The following LCN1 variants were observed in gnomAD, a reference collection of about 807,000 sequenced individuals.
The protein encoded by LCN1 is lipocalin-1.
Under a neutral mutation model 22.3 loss-of-function variants are expected in LCN1, and 25 were observed. The ratio of observed to expected loss-of-function variants is 1.12; its 90% CI spans 0.82 to 1.56. LCN1 has a LOEUF of 1.56. LCN1 is among the 40% of genes most tolerant of loss of function. The pLI, the probability that LCN1 is intolerant of heterozygous loss-of-function variation, is 0.00. For missense variants in LCN1, 219 were observed against 235.6 expected (o/e 0.93, Z 0.46); for synonymous variants, 85 against 97.6 (o/e 0.87, Z 0.76).
Position 135,526,421 on chromosome 9 carries a change from A to G in LCN1, c.*79A>G, listed in dbSNP as rs1564231737. ...CTCCGTCATTCACAGGGACATGGAA[A>G]AAGCTCCCCACCCCTGCAGAACGCG... On this transcript the variant is annotated 3_prime_UTR_variant, in exon 7 of 7. Coordinates refer to ENST00000371781, the MANE Select transcript of LCN1 (RefSeq NM_002297.4). The G allele has an allele frequency of 7.8e-7, 1 of 1,285,678 alleles. No individual in the cohort carries two copies. The highest frequency in any genetic ancestry group is 1.0e-6 in the Non-Finnish European group (1 of 987,432). The allele number at this position is 1,285,678 out of a possible 1,614,324, so 79.6% of individuals were successfully genotyped here.
chr9:135,523,234 T>C lies in LCN1; in HGVS notation c.224T>C (p.Ile75Thr). The C allele has an allele frequency of 6.2e-7, 1 of 1,611,660 alleles. No homozygotes were observed. Among genetic ancestry groups the C allele is most frequent in the East Asian group, 2.2e-5 (1 of 44,834 alleles). The part of the protein sequence containing the change: ...GNLEAKVTML[I>T]SGRCQEVKAV... ...GCCAGGGGGCTTCTGTTTTCCAGGA[T>C]AAGTGGCCGGTGCCAGGAGGTGAAG... Residue 75 changes from isoleucine to threonine, a missense_variant and splice_region_variant, in exon 3 of 7, where the codon ATA becomes ACA. Coordinates refer to ENST00000371781, the MANE Select transcript of LCN1 (RefSeq NM_002297.4).
intron 3 of LCN1, 103 bp from the exon 4 acceptor site, chr9:135,523,777 C>A: frequency 1.1e-6 from 1 of 927,190 alleles, no homozygotes; most frequent in Non-Finnish European, 1.7e-6. Context: ...TGGGAGGGTG[C>A]AGGAGCTGCG....
chr9:135,521,913 C>A, intron 1 of LCN1, 134 bp from the exon 2 acceptor site: 1 of 1,418,296 alleles, frequency 7.1e-7, no homozygotes, highest in Non-Finnish European at 9.5e-7. Context: ...TGGGTGTTTT[C>A]TGGGTGGGTT....
At chr9:135,523,180 C>G in intron 2 of LCN1, 52 bp from the exon 3 acceptor site, 1 of 1,550,364 alleles carries the variant, frequency 6.5e-7, no homozygotes. Context: ...TGCTCCAGGG[C>G]CGGGGGAGGC....
intron 1 of LCN1, 119 bp from the exon 2 acceptor site, chr9:135,521,928 T>C: frequency 7.5e-6 from 11 of 1,465,958 alleles, no homozygotes; most frequent in Admixed American, 2.1e-5. Flanking sequence ...TGGGTTAGAT[T>C]GGGGAACGTT....
intron 1 of LCN1, 146 bp from the exon 2 acceptor site, chr9:135,521,901 G>T: frequency 3.0e-6 from 4 of 1,330,866 alleles, no homozygotes; most frequent in African/African-American, 1.5e-5. Context: ...TGGCGAGGGT[G>T]CTGGGTGTTT....
At chr9:135,522,014 G>A (rs377529267) in intron 1 of LCN1, 33 bp from the exon 2 acceptor site, 103 of 1,587,458 alleles carry the variant, frequency 6.5e-5, no homozygotes, top group African/African-American at 5.1e-4. Flanking sequence ...TGGAGCAGTC[G>A]GCCTGAGCCT....
intron 4 of LCN1, 62 bp downstream of exon 4, chr9:135,524,052 C>T (rs1408197384): frequency 1.3e-5 from 16 of 1,214,566 alleles, no homozygotes; most frequent in East Asian, 2.4e-5. Context: ...CTCCCTCGGC[C>T]TCCTGCACCC....
rs1433536745 is a variant in LCN1, at chr9:135,521,603, G to A, written c.90+16G>A. Reference sequence around the variant, plus strand: ...GATTCAGGATGTGAGGCCCGGATGGGAAGGCTGGGCTGGAGGGGGCAAGGG... The same window carrying A: ...GATTCAGGATGTGAGGCCCGGATGGAAAGGCTGGGCTGGAGGGGGCAAGGG... On this transcript the variant is annotated intron_variant, in intron 1 of 6. Transcript: ENST00000371781. 9 of 1,598,982 alleles carry A rather than the reference G, an allele frequency of 5.6e-6. No homozygotes were observed. Among genetic ancestry groups the A allele is most frequent in the Non-Finnish European group, 7.7e-6 (9 of 1,170,614 alleles).
In LCN1 at chr9:135,526,351, G is replaced by A; in HGVS notation, c.*9G>A. 7.9e-7 allele frequency: 1 copy of A among 1,260,804 alleles called. No homozygotes were observed. Among genetic ancestry groups the A allele is most frequent in the South Asian group, 1.3e-5 (1 of 77,640 alleles). The allele number at this position is 1,260,804 out of a possible 1,614,324, so 78.1% of individuals were successfully genotyped here. A position where few individuals can be genotyped will look rare whatever the true frequency, so the allele number is the denominator to read the frequency against. Reference sequence around the variant, plus strand: ...CCCTCCCCCCCTTTCCAGGGCAGGGGACACCTTGGCTCCTCAGCAGCCCAA... The same window carrying A: ...CCCTCCCCCCCTTTCCAGGGCAGGGAACACCTTGGCTCCTCAGCAGCCCAA... On this transcript the variant is annotated 3_prime_UTR_variant, in exon 7 of 7. Coordinates refer to ENST00000371781, the MANE Select transcript of LCN1 (RefSeq NM_002297.4).
In LCN1 at chr9:135,523,409, T is replaced by A. The variant is rs1378332030; in HGVS notation, c.292+107T>A. ...CCTTTTGGCCTGGGAAGCCTTTTGC[T>A]GCCTTCTGACTCCACTAAAAGCCCA... On this transcript the variant is annotated intron_variant, in intron 3 of 6. Transcript: ENST00000371781. 6 of 984,778 alleles carry A rather than the reference T, an allele frequency of 6.1e-6. No individual in the cohort carries two copies. The Admixed American group carries it at 1.1e-4, about 18-fold the overall frequency. 61.0% of individuals were successfully genotyped at this position (984,778 alleles called of 1,614,324 possible).
Position 135,523,420 on chromosome 9 carries a change from TCCACTAAAAGC to T in LCN1, c.292+124_292+134del, listed in dbSNP as rs1831550024. The stretch of plus-strand genomic sequence containing the variant: ...GGGAAGCCTTTTGCTGCCTTCTGAC[TCCACTAAAAGC>T]CCACTCTCTTCTCCCACTGGTCAAT... On this transcript the variant is annotated intron_variant, in intron 3 of 6. Coordinates refer to ENST00000371781, the MANE Select transcript of LCN1 (RefSeq NM_002297.4). 3.5e-6 allele frequency: 3 copies of T among 846,918 alleles called. No homozygotes were observed. The South Asian group carries it at 5.4e-5, about 15-fold the overall frequency. The allele number at this position is 846,918 out of a possible 1,614,324, so 52.5% of individuals were successfully genotyped here. A position where few individuals can be genotyped will look rare whatever the true frequency, so the allele number is the denominator to read the frequency against.
intron 4 of LCN1, 130 bp downstream of exon 4, chr9:135,524,120 G>A: frequency 1.5e-6 from 1 of 682,914 alleles, no homozygotes; most frequent in Non-Finnish European, 2.5e-6. Context: ...TTCTTAGGAT[G>A]AGTTTTCCTG....
At chr9:135,525,690 T>A (rs1831623005) in intron 6 of LCN1, among the ~76,000 whole-genome samples, 1 of 151,778 alleles carries the variant, frequency 6.6e-6, no homozygotes, top group African/African-American at 2.4e-5. Flanking sequence ...TCCCGCACCC[T>A]CCCCTTGGCC....
Position 135,523,950 on chromosome 9 carries a change from C to A in LCN1, c.363C>A (p.Gly121=), listed in dbSNP as rs143570737. 1.9e-6 allele frequency: 3 copies of A among 1,614,004 alleles called. No individual in the cohort carries two copies. Among genetic ancestry groups the A allele is most frequent in the South Asian group, 1.1e-5 (1 of 91,068 alleles). ...VKDHYIFYCE[G]ELHGKPVRGV... is the part of the protein sequence containing the mutation. ...ACCACTACATCTTTTACTGTGAGGG[C>A]GAGCTGCACGGGAAGCCGGTCCGAG... Residue 121 remains glycine (G), a synonymous_variant, in exon 4 of 7, where the codon GGC becomes GGA. Coordinates refer to ENST00000371781, the MANE Select transcript of LCN1 (RefSeq NM_002297.4).
Position 135,523,309 on chromosome 9 carries a change from C to A in LCN1, c.292+7C>A. 1.2e-6 allele frequency: 2 copies of A among 1,611,360 alleles called. No individual in the cohort carries two copies. The highest frequency in any genetic ancestry group is 1.7e-6 in the Non-Finnish European group (2 of 1,178,792). ...CCGGGAAAATACACGGCCGGTGAGT[C>A]CCGGGGCCTGAGCCAGAGCCTGAGC... On this transcript the variant is annotated splice_region_variant and intron_variant, in intron 3 of 6. Coordinates refer to ENST00000371781, the MANE Select transcript of LCN1 (RefSeq NM_002297.4).
intron 6 of LCN1, 47 bp from the exon 7 acceptor site, chr9:135,526,297 T>A: frequency 6.1e-4 from 208 of 341,592 alleles, no homozygotes; most frequent in Non-Finnish European, 6.9e-4. Context: ...TGCATCCCCC[T>A]CCCACCCTTG....
chr9:135,526,423 AG>A lies in LCN1; in HGVS notation c.*82del, dbSNP rs1264803685. The stretch of plus-strand genomic sequence containing the variant: ...CCGTCATTCACAGGGACATGGAAAA[AG>A]CTCCCCACCCCTGCAGAACGCGGCT... On this transcript the variant is annotated 3_prime_UTR_variant, in exon 7 of 7. Transcript: ENST00000371781. The A allele has an allele frequency of 7.0e-6, 9 of 1,284,212 alleles. No homozygotes were observed. Among genetic ancestry groups the A allele is most frequent in the Admixed American group, 2.3e-5 (1 of 43,200 alleles). 79.6% of individuals were successfully genotyped at this position (1,284,212 alleles called of 1,614,324 possible).
At chr9:135,521,857 G>A (rs939142714) in intron 1 of LCN1, among the ~76,000 whole-genome samples, 190 bp from the exon 2 acceptor site, 3 of 152,110 alleles carry the variant, frequency 2.0e-5, no homozygotes, top group African/African-American at 7.2e-5. Context: ...GTCCTGGCTG[G>A]CTTGTGGGGG....
Sources: allele counts gnomAD v4.1 joint callset (sites outside exome capture counted in the v4.1 genomes callset), GRCh38; gene constraint gnomAD v4.1.1; transcripts MANE v1.5; gene names NCBI Gene and HGNC (gene_info 2026-07-23, HGNC 2026-07-21).